The following DNAJC25 variants were observed in gnomAD, a reference collection of about 807,000 sequenced individuals.
DNAJC25 encodes the protein dnaJ homolog subfamily C member 25.
In DNAJC25, 26 loss-of-function variants were observed where a neutral mutation model predicts 42.1. The ratio of observed to expected loss-of-function variants is 0.62; its 90% CI spans 0.45 to 0.86. The LOEUF is 0.86. Among genes scored for constraint, DNAJC25 ranks in the 40% least tolerant of loss-of-function variants. The pLI, the probability that DNAJC25 is intolerant of heterozygous loss-of-function variation, is 0.00. For synonymous variants in DNAJC25, 189 were observed against 179.9 expected (o/e 1.05, Z -0.40); for missense variants, 404 against 459.4 (o/e 0.88, Z 1.10).
intron 1 of DNAJC25, among the ~76,000 whole-genome samples, chr9:111,642,646 A>G (rs532478271): frequency 1.0e-4 from 12 of 117,602 alleles, no homozygotes; most frequent in African/African-American, 4.0e-4. Context: ...AATAAATAAA[A>G]AATAAATGTA....
chr9:111,638,100 A>G (rs1170945278), intron 1 of DNAJC25, among the ~76,000 whole-genome samples: 1 of 152,230 alleles, frequency 6.6e-6, no homozygotes, highest in Non-Finnish European at 1.5e-5. Flanking sequence ...GCAATTAAAC[A>G]TGTCTGAAAT....
At chr9:111,651,257 C>CT (rs1830655631) in intron 3 of DNAJC25, among the ~76,000 whole-genome samples, 2 of 104,988 alleles carry the variant, frequency 1.9e-5, no homozygotes, top group Admixed American at 1.1e-4. Context: ...GAGTGAGACT[C>CT]TATCTCAAAA....
chr9:111,632,104 A>G (rs1021670593), intron 1 of DNAJC25, among the ~76,000 whole-genome samples: 5 of 152,276 alleles, frequency 3.3e-5, no homozygotes, highest in Non-Finnish European at 5.9e-5. Flanking sequence ...GAAAGTCTCG[A>G]ATATCAAGTG....
intron 1 of DNAJC25, among the ~76,000 whole-genome samples, chr9:111,633,292 G>T (rs13291460): frequency 6.6e-6 from 1 of 152,018 alleles, no homozygotes. Flanking sequence ...TGTTTCAGGC[G>T]CGAGATGGTA....
chr9:111,641,132 G>C (rs1417790467), intron 1 of DNAJC25, among the ~76,000 whole-genome samples: 1 of 112,436 alleles, frequency 8.9e-6, no homozygotes, highest in Non-Finnish European at 1.7e-5. Flanking sequence ...GAGATGGGGG[G>C]GTCAGCCCCC....
At position 111,647,224 on chromosome 9, in the gene DNAJC25, A is replaced by C; in HGVS notation, c.454A>C (p.Ile152Leu). 3.1e-6 allele frequency: 5 copies of C among 1,614,144 alleles called. No individual in the cohort carries two copies. Among genetic ancestry groups the C allele is most frequent in the Non-Finnish European group, 4.2e-6 (5 of 1,180,030 alleles). ...CCCTAAGGTGGATGTTAGAGTAGTGATTTTGGTCAGCGTGTGTGCTATTTC... is the reference window on the plus strand; with the variant it reads ...CCCTAAGGTGGATGTTAGAGTAGTGCTTTTGGTCAGCGTGTGTGCTATTTC... ...LAPKVDVRVV[I>L]LVSVCAISVF... The change falls in exon 2 of 4, where the codon ATT becomes CTT. Residue 152 changes from isoleucine to leucine, a missense_variant. Physicochemically the swap from Ile to Leu is conservative, Grantham distance 5. Coordinates refer to ENST00000313525, the MANE Select transcript of DNAJC25 (RefSeq NM_001015882.3).
chr9:111,649,591 T>C lies in DNAJC25; in HGVS notation c.628T>C (p.Ser210Pro). The C allele has an allele frequency of 6.2e-7, 1 of 1,613,874 alleles. No homozygotes were observed. The highest frequency in any genetic ancestry group is 8.5e-7 in the Non-Finnish European group (1 of 1,179,960). The change falls in exon 3 of 4, where the codon TCC becomes CCC. Residue 210 changes from serine to proline, a missense_variant. Physicochemically the swap from Ser to Pro is moderately conservative, Grantham distance 74 (BLOSUM62 -1). Transcript: ENST00000313525. ...KAKEKGKNKKSKEEIRDEEEN... is the reference protein window; with the variant it reads ...KAKEKGKNKKPKEEIRDEEEN... ...CAAAGAAAAAGGCAAAAACAAAAAG[T>C]CCAAAGAAGAAATTCGTGACGAGGA...
At chr9:111,648,263 AG>A (rs1315056629) in intron 2 of DNAJC25, among the ~76,000 whole-genome samples, 2 of 136,816 alleles carry the variant, frequency 1.5e-5, no homozygotes, top group African/African-American at 5.6e-5. Context: ...GAAACGATTC[AG>A]TTTTTTTTTT....
Position 111,649,929 on chromosome 9 carries a change from T to C in DNAJC25, c.960+6T>C. On this transcript the variant is annotated splice_donor_region_variant and intron_variant, in intron 3 of 3. Transcript: ENST00000313525. ...GGATCAAGGAGAATTATGAGGTGAG[T>C]AGTCACCCTGCTGTGATTTAAGTGT... 6.4e-7 allele frequency: 1 copy of C among 1,550,812 alleles called. No individual in the cohort carries two copies. The highest frequency in any genetic ancestry group is 8.7e-7 in the Non-Finnish European group (1 of 1,155,838).
chr9:111,649,546 C>G lies in DNAJC25; in HGVS notation c.583C>G (p.Gln195Glu). ...CCAAGCTACAGAGATTGCCAAGCAGCAGGGACTGCTCAAAAAAGCCAAAGA... is the reference window on the plus strand; with the variant it reads ...CCAAGCTACAGAGATTGCCAAGCAGGAGGGACTGCTCAAAAAAGCCAAAGA... ...RIQATEIAKQ[Q>E]GLLKKAKEKG... Residue 195 changes from glutamine to glutamate, a missense_variant, in exon 3 of 4, where the codon CAG becomes GAG. By Grantham distance (29) the Gln-to-Glu change is conservative. Transcript: ENST00000313525. 6.2e-7 allele frequency: 1 copy of G among 1,613,966 alleles called. No homozygotes were observed. The highest frequency in any genetic ancestry group is 8.5e-7 in the Non-Finnish European group (1 of 1,179,974).
chr9:111,652,335 C>T (rs1451309963), intron 3 of DNAJC25, among the ~76,000 whole-genome samples: 1 of 150,556 alleles, frequency 6.6e-6, no homozygotes, highest in Admixed American at 6.6e-5. Context: ...CATGGTGAAA[C>T]CCCATCTGTC....
chr9:111,649,327 T>A, intron 2 of DNAJC25, 126 bp from the exon 3 acceptor site: 1 of 1,410,204 alleles, frequency 7.1e-7, no homozygotes, highest in Non-Finnish European at 9.3e-7. Context: ...GTAAGATCTT[T>A]GAGATCCCTA....
At chr9:111,632,296 A>C (rs888951270) in intron 1 of DNAJC25, among the ~76,000 whole-genome samples, 1 of 118,874 alleles carries the variant, frequency 8.4e-6, no homozygotes. Context: ...ATAGTGACTT[A>C]TTATGTTGAA....
chr9:111,634,726 G>T (rs1375234524), intron 1 of DNAJC25, among the ~76,000 whole-genome samples: 2 of 146,490 alleles, frequency 1.4e-5, no homozygotes, highest in Non-Finnish European at 1.5e-5. Flanking sequence ...AGGGGGTTTT[G>T]TTTTTTTTTT....
At chr9:111,643,035 G>A in intron 1 of DNAJC25, 1 of 387,376 alleles carries the variant, frequency 2.6e-6, no homozygotes, top group Non-Finnish European at 5.4e-6. Context: ...GGAATCTCCA[G>A]ACCCTGGGAC....
intron 1 of DNAJC25, among the ~76,000 whole-genome samples, chr9:111,640,695 A>G (rs1589343014): frequency 6.1e-5 from 3 of 49,572 alleles, no homozygotes; most frequent in Non-Finnish European, 1.0e-4. Context: ...CCTGGCAACC[A>G]CCCCGTCTGA....
At chr9:111,643,664 G>C (rs1300529715) in intron 1 of DNAJC25, among the ~76,000 whole-genome samples, 1 of 151,936 alleles carries the variant, frequency 6.6e-6, no homozygotes, top group Non-Finnish European at 1.5e-5. Context: ...GGTAAGTTTG[G>C]ACCAGTTGTG....
chr9:111,633,000 G>T (rs1328538374), intron 1 of DNAJC25, among the ~76,000 whole-genome samples: 1 of 152,082 alleles, frequency 6.6e-6, no homozygotes, highest in Non-Finnish European at 1.5e-5. Context: ...ATTTTTATTG[G>T]CAGTTAACTG....
intron 2 of DNAJC25, 51 bp from the exon 3 acceptor site, chr9:111,649,402 G>T (rs1286212664): frequency 6.8e-7 from 1 of 1,479,618 alleles, no homozygotes; most frequent in Admixed American, 2.6e-5. Flanking sequence ...CTTTAATTTA[G>T]ATGAATTTGG....
Sources: gnomAD v4.1 joint callset for allele counts (sites outside exome capture counted in the v4.1 genomes callset) on GRCh38, gnomAD v4.1.1 for gene constraint, MANE v1.5 for transcripts, NCBI Gene and HGNC (gene_info 2026-07-23, HGNC 2026-07-21) for gene names.